The following STK32B variants were observed in gnomAD, a reference collection of about 807,000 sequenced individuals.
STK32B encodes the protein serine/threonine-protein kinase 32B.
Under a neutral mutation model 52.6 loss-of-function variants are expected in STK32B, and 43 were observed. That is an observed-to-expected ratio of 0.82 (90% CI 0.64 to 1.05). STK32B has a LOEUF of 1.05. STK32B is among the 50% of genes least tolerant of loss of function. STK32B has a pLI of 0.00. For synonymous variants in STK32B, 238 were observed against 204.3 expected (o/e 1.17, Z -1.41); for missense variants, 621 against 534.6 (o/e 1.16, Z -1.59).
At position 5,386,421 on chromosome 4, in the gene STK32B, A is replaced by C. The variant is rs1736261228; in HGVS notation, c.435-11786A>C. ...TGGGAACCATGGTAGAAGCAGGAAA[A>C]GGTAATTCTTGATGGTCCAAGAGCA... On this transcript the variant is annotated intron_variant, in intron 4 of 11. Transcript: ENST00000282908. The surrounding 1 kb of genome is among the most constrained non-coding windows in gnomAD (Gnocchi z 4.5). 1.3e-5 allele frequency among the ~76,000 whole-genome samples: 2 copies of C among 152,112 alleles called. No homozygotes were observed. Among genetic ancestry groups the C allele is most frequent in the Admixed American group, 1.3e-4 (2 of 15,282 alleles).
intron 3 of STK32B, among the ~76,000 whole-genome samples, chr4:5,326,457 CCAGTACCTCCAA>C (rs1164005112): frequency 6.6e-6 from 1 of 152,124 alleles, no homozygotes; most frequent in Admixed American, 6.5e-5. Flanking sequence ...TAGGTGGGAG[CCAGTACCTCCAA>C]CAGTGCCTCT....
chr4:5,214,434 T>C (rs751295853), intron 3 of STK32B: 8 of 152,156 alleles, frequency 5.3e-5, no homozygotes, highest in African/African-American at 1.2e-4. Context: ...ACTAATACAA[T>C]AATGTGTAGG....
chr4:5,311,133 A>G (rs567103134), intron 3 of STK32B, among the ~76,000 whole-genome samples: 2 of 152,330 alleles, frequency 1.3e-5, no homozygotes, highest in African/African-American at 4.8e-5. Flanking sequence ...AGTCCTATGT[A>G]GATGTGGTAT....
At chr4:5,089,579 T>A (rs1373597337) in intron 1 of STK32B, among the ~76,000 whole-genome samples, 1 of 152,238 alleles carries the variant, frequency 6.6e-6, no homozygotes. Context: ...CTTTATCCAG[T>A]CTATCATTGA....
Position 5,051,630 on chromosome 4 carries a change from G to A in STK32B, c.-234G>A. 1.9e-6 allele frequency: 1 copy of A among 527,614 alleles called. No homozygotes were observed. The highest frequency in any genetic ancestry group is 3.2e-6 in the Non-Finnish European group (1 of 307,942). 32.7% of individuals were successfully genotyped at this position (527,614 alleles called of 1,614,324 possible). A position where few individuals can be genotyped will look rare whatever the true frequency, so the allele number is the denominator to read the frequency against. On this transcript the variant is annotated 5_prime_UTR_variant, in exon 1 of 12. Coordinates refer to ENST00000282908, the MANE Select transcript of STK32B (RefSeq NM_018401.3). ...AGCTGCGAGCGCAGCCCGAGGCGGGGCACGGCGGAAGGCGCGGCGAGAGCG... is the reference window on the plus strand; with the variant it reads ...AGCTGCGAGCGCAGCCCGAGGCGGGACACGGCGGAAGGCGCGGCGAGAGCG...
At chr4:5,143,414 T>C (rs775630756) in intron 2 of STK32B, among the ~76,000 whole-genome samples, 49 of 152,172 alleles carry the variant, frequency 3.2e-4, no homozygotes, top group Admixed American at 6.5e-4. Flanking sequence ...CTGGTGAGCC[T>C]CCCATGCCTG....
chr4:5,369,166 C>A (rs989381917), intron 4 of STK32B, among the ~76,000 whole-genome samples: 30 of 151,864 alleles, frequency 2.0e-4, no homozygotes, highest in African/African-American at 7.0e-4. Context: ...TCCCACTCTT[C>A]TTCCATCTCG....
intron 3 of STK32B, among the ~76,000 whole-genome samples, chr4:5,169,872 A>C (rs1719219184): frequency 2.0e-5 from 3 of 152,140 alleles, no homozygotes; most frequent in Admixed American, 6.5e-5. Flanking sequence ...TTGGTGTGTA[A>C]TTATTTTTAT....
chr4:5,125,401 T>C (rs1416351798), intron 1 of STK32B, among the ~76,000 whole-genome samples: 2 of 152,198 alleles, frequency 1.3e-5, no homozygotes, highest in Non-Finnish European at 2.9e-5. Context: ...AATGTAGAAA[T>C]TAATGCAATA....
intron 3 of STK32B, among the ~76,000 whole-genome samples, chr4:5,262,920 T>C (rs1726817163): frequency 6.6e-6 from 1 of 152,160 alleles, no homozygotes. Flanking sequence ...GAAAGTAAAA[T>C]CATTGAGTTG....
intron 1 of STK32B, among the ~76,000 whole-genome samples, chr4:5,121,148 G>A (rs983092551): frequency 1.3e-5 from 2 of 152,074 alleles, no homozygotes; most frequent in African/African-American, 2.4e-5. Context: ...TCAGAGCTTA[G>A]CTCCCATTTA....
Position 5,058,679 on chromosome 4 carries a change from C to CA in STK32B, c.52+6765dup, listed in dbSNP as rs1317297445. On this transcript the variant is annotated intron_variant, in intron 1 of 11. Transcript: ENST00000282908. This position sits in a 1 kb window ranked among gnomAD's most constrained non-coding sequence, Gnocchi z 4.8. Reference sequence around the variant, plus strand: ...CCCGGCTCAAGCAATCCTCCTGTGTCAGCCTACAAAGTAGACCATAGGAAC... The same window carrying CA: ...CCCGGCTCAAGCAATCCTCCTGTGTCAAGCCTACAAAGTAGACCATAGGAAC... Among the ~76,000 whole-genome samples the CA allele has an allele frequency of 6.6e-6, 1 of 152,184 alleles. No homozygotes were observed. The highest frequency in any genetic ancestry group is 2.4e-5 in the African/African-American group (1 of 41,442).
chr4:5,317,898 A>T (rs1244719830), intron 3 of STK32B, among the ~76,000 whole-genome samples: 1 of 152,142 alleles, frequency 6.6e-6, no homozygotes, highest in Non-Finnish European at 1.5e-5. Flanking sequence ...CCATACCAAC[A>T]GCATCAACAT....
chr4:5,271,596 G>A (rs1301945210), intron 3 of STK32B, among the ~76,000 whole-genome samples: 3 of 147,956 alleles, frequency 2.0e-5, no homozygotes, highest in Non-Finnish European at 2.9e-5. Context: ...ACCTTGGGCA[G>A]TATGGCCATT....
At chr4:5,491,033 G>T (rs531621382) in intron 11 of STK32B, among the ~76,000 whole-genome samples, 14 of 152,302 alleles carry the variant, frequency 9.2e-5, no homozygotes, top group South Asian at 8.3e-4. Flanking sequence ...ATAATAAACA[G>T]ACGTGTGCAT....
At chr4:5,457,214 T>TTC (rs1433949896) in intron 8 of STK32B, among the ~76,000 whole-genome samples, 1 of 135,238 alleles carries the variant, frequency 7.4e-6, no homozygotes, top group African/African-American at 3.0e-5. Flanking sequence ...TTTTTTTTCT[T>TTC]TTTTTTTTTT....
chr4:5,353,964 G>A (rs1029616909), intron 4 of STK32B, among the ~76,000 whole-genome samples: 1 of 152,166 alleles, frequency 6.6e-6, no homozygotes, highest in Admixed American at 6.5e-5. Flanking sequence ...TCACAATTGC[G>A]AAGATACGGA....
intron 3 of STK32B, among the ~76,000 whole-genome samples, chr4:5,238,744 C>T (rs574260836): frequency 6.6e-6 from 1 of 152,162 alleles, no homozygotes; most frequent in Non-Finnish European, 1.5e-5. Flanking sequence ...ATTTTTCATT[C>T]ATTCATTCCT....
chr4:5,209,035 C>T (rs964220454), intron 3 of STK32B, among the ~76,000 whole-genome samples: 10 of 152,308 alleles, frequency 6.6e-5, no homozygotes, highest in African/African-American at 2.4e-4. Context: ...CTCTCATGGC[C>T]CCTTTTCCTT....
Sources: allele counts gnomAD v4.1 joint callset (sites outside exome capture counted in the v4.1 genomes callset), GRCh38; gene constraint gnomAD v4.1.1; non-coding constraint Gnocchi (gnomAD v3.1); transcripts MANE v1.5; gene names NCBI Gene and HGNC (gene_info 2026-07-23, HGNC 2026-07-21).